Variants in ASRGL1 observed in about 807,000 individuals in gnomAD.
ASRGL1 encodes the protein asparaginase and isoaspartyl peptidase 1.
Under a neutral mutation model 22.4 loss-of-function variants are expected in ASRGL1, and 16 were observed. The ratio of observed to expected loss-of-function variants is 0.71; its 90% confidence interval spans 0.48 to 1.08. ASRGL1 has a LOEUF of 1.08. Among genes scored for constraint, ASRGL1 ranks in the 50% least tolerant of loss-of-function variants. The pLI, the probability that ASRGL1 is intolerant of heterozygous loss-of-function variation, is 0.00. For synonymous variants in ASRGL1, 165 were observed against 159.3 expected (o/e 1.04, Z -0.27); for missense variants, 412 against 410.1 (o/e 1.00, Z -0.04).
At chr11:62,361,703 G>T (rs1946439802) in intron 4 of ASRGL1, among the ~76,000 whole-genome samples, 1 of 151,878 alleles carries the variant, frequency 6.6e-6, no homozygotes, top group Non-Finnish European at 1.5e-5. Flanking sequence ...GGCCAGGCTG[G>T]TCTCAAACTC....
intron 4 of ASRGL1, chr11:62,371,997 A>C (rs1483794947): frequency 4.5e-6 from 3 of 673,560 alleles, no homozygotes; most frequent in African/African-American, 3.7e-5. Context: ...GAAGCTGCGT[A>C]CGGCAATATC....
At chr11:62,371,435 G>T (rs866350203) in intron 4 of ASRGL1, 1 of 583,716 alleles carries the variant, frequency 1.7e-6, no homozygotes, top group East Asian at 3.1e-5. Context: ...CTTGAGACGT[G>T]CTGTGTTTAC....
intron 2 of ASRGL1, among the ~76,000 whole-genome samples, chr11:62,348,150 A>T (rs72921501): frequency 0.1 from 15,235 of 152,248 alleles, 820 homozygotes; most frequent in Non-Finnish European, 0.12. Flanking sequence ...ATGCCATTTC[A>T]CGTAGAGGAC....
intron 2 of ASRGL1, among the ~76,000 whole-genome samples, chr11:62,338,654 G>A (rs577320501): frequency 6.6e-5 from 10 of 152,204 alleles, no homozygotes; most frequent in Middle Eastern, 3.4e-3. Context: ...AATAGAAGGC[G>A]GTTTAGCACG....
intron 4 of ASRGL1, chr11:62,372,317 T>G: frequency 6.2e-7 from 1 of 1,602,320 alleles, no homozygotes; most frequent in Non-Finnish European, 8.5e-7. Context: ...AGCTGGGCCT[T>G]GGCAACTAGA....
the ASRGL1 span, among the ~76,000 whole-genome samples, chr11:62,400,396 G>A: frequency 5.3e-5 from 8 of 152,138 alleles, no homozygotes; most frequent in South Asian, 2.1e-4. Context: ...AGAGTGAGCC[G>A]TTCCTTTTCT....
Position 62,392,182 on chromosome 11 carries a change from G to A in ASRGL1, c.825G>A (p.Val275=). 6.2e-7 allele frequency: 1 copy of A among 1,614,226 alleles called. No individual in the cohort carries two copies. The highest frequency in any genetic ancestry group is 8.5e-7 in the Non-Finnish European group (1 of 1,180,034). ...LIVVSKTGDW[V]AKWTSTSMPW... ...TGGTTAGCAAAACAGGAGACTGGGT[G>A]GCAAAGTGGACCTCCACCTCCATGC... is the stretch of plus-strand genomic sequence containing the variant. Residue 275 remains valine (V), a synonymous_variant, in exon 7 of 7, where the codon GTG becomes GTA. Transcript: ENST00000415229.
At chr11:62,376,009 G>A (rs1465955930) in intron 4 of ASRGL1, among the ~76,000 whole-genome samples, 1 of 150,406 alleles carries the variant, frequency 6.6e-6, no homozygotes, top group Non-Finnish European at 1.5e-5. Context: ...GGCTGAGACA[G>A]GAGAATTGCT....
At position 62,392,581 on chromosome 11, in the gene ASRGL1, A is replaced by AAG. The variant is rs1452067788; in HGVS notation, c.*298_*299insGA. 4.8e-6 allele frequency: 2 copies of AAG among 413,450 alleles called. No homozygotes were observed. The highest frequency in any genetic ancestry group is 8.8e-6 in the Non-Finnish European group (2 of 227,592). 25.6% of individuals were successfully genotyped at this position (413,450 alleles called of 1,614,324 possible). A position where few individuals can be genotyped will look rare whatever the true frequency, so the allele number is the denominator to read the frequency against. On this transcript the variant is annotated 3_prime_UTR_variant, in exon 7 of 7. Coordinates refer to ENST00000415229, the MANE Select transcript of ASRGL1 (RefSeq NM_001083926.2). ...CAGGCCCTGTATCAAAAAAAAAAAAAAAAAGAAAAGGGAAAAAAGAAAGAA... is the reference window on the plus strand; with the variant it reads ...CAGGCCCTGTATCAAAAAAAAAAAAAAGAAAAGAAAAGGGAAAAAAGAAAGAA...
the ASRGL1 span, among the ~76,000 whole-genome samples, chr11:62,401,396 C>T: frequency 6.6e-6 from 1 of 152,204 alleles, no homozygotes; most frequent in Non-Finnish European, 1.5e-5. Context: ...TCTCCGGCAC[C>T]ATGTGCAATA....
downstream of ASRGL1, among the ~76,000 whole-genome samples, chr11:62,394,596 A>G (rs189573605): frequency 2.3e-3 from 353 of 152,144 alleles, 1 homozygote; most frequent in Non-Finnish European, 3.8e-3. Flanking sequence ...GGAGATAGAA[A>G]AAAGGAAGGA....
chr11:62,353,682 C>A, intron 2 of ASRGL1, among the ~76,000 whole-genome samples: 1 of 152,160 alleles, frequency 6.6e-6, no homozygotes, highest in East Asian at 1.9e-4. Flanking sequence ...ATTCCAACAT[C>A]TGTGTCATCT....
At chr11:62,337,698 G>C (rs1945755094) in intron 1 of ASRGL1, 124 bp downstream of exon 1, 1 of 374,960 alleles carries the variant, frequency 2.7e-6, no homozygotes, top group South Asian at 8.8e-5. Flanking sequence ...CTTGGAGGCG[G>C]GCGGCGGTGG....
chr11:62,393,948 A>T (rs539255781), downstream of ASRGL1, among the ~76,000 whole-genome samples: 3 of 150,154 alleles, frequency 2.0e-5, no homozygotes, highest in Non-Finnish European at 4.4e-5. Context: ...CAGCCCTGCC[A>T]TCTGTCTCTA....
intron 4 of ASRGL1, among the ~76,000 whole-genome samples, chr11:62,376,067 A>T (rs368636411): frequency 1.5e-5 from 2 of 130,114 alleles, no homozygotes; most frequent in East Asian, 4.7e-4. Context: ...GCACCACTGC[A>T]CTCCAGCCTG....
the ASRGL1 span, among the ~76,000 whole-genome samples, chr11:62,400,538 G>A: frequency 2.0e-5 from 3 of 152,168 alleles, no homozygotes; most frequent in Non-Finnish European, 4.4e-5. Flanking sequence ...TGCAAGGCTT[G>A]GGCACTGGGC....
At chr11:62,355,933 TG>T (rs899863770) in intron 2 of ASRGL1, among the ~76,000 whole-genome samples, 94 of 152,292 alleles carry the variant, frequency 6.2e-4, no homozygotes, top group African/African-American at 2.2e-3. Flanking sequence ...AGCACAGGGT[TG>T]GGGGTAAGGT....
downstream of ASRGL1, among the ~76,000 whole-genome samples, chr11:62,394,925 T>G (rs1947413668): frequency 6.6e-6 from 1 of 152,150 alleles, no homozygotes; most frequent in Admixed American, 6.5e-5. Context: ...CATGGCTCAC[T>G]GTCAAACAGA....
At chr11:62,401,073 C>T in the ASRGL1 span, among the ~76,000 whole-genome samples, 10 of 152,334 alleles carry the variant, frequency 6.6e-5, no homozygotes, top group African/African-American at 2.4e-4. Flanking sequence ...GAGCCAGGGC[C>T]AGACCACAGG....
Sources: gnomAD v4.1 joint callset for allele counts (sites outside exome capture counted in the v4.1 genomes callset) on GRCh38, gnomAD v4.1.1 for gene constraint, MANE v1.5 for transcripts, NCBI Gene and HGNC (gene_info 2026-07-23, HGNC 2026-07-21) for gene names.